Variants in MOB3B observed in about 807,000 individuals in gnomAD.
The protein encoded by MOB3B is MOB kinase activator-like 2B.
MOB3B carries 7 observed loss-of-function variants against 18.7 expected under a neutral mutation model. The observed-to-expected ratio is 0.37, with a 90% CI of 0.21 to 0.70. The LOEUF (loss-of-function observed/expected upper bound fraction) is 0.70, where lower values mean the gene tolerates loss of function less well. Ranked by LOEUF, MOB3B falls within the 30% of genes least tolerant of loss-of-function variation. MOB3B has a pLI of 0.52. For synonymous variants in MOB3B, 111 were observed against 99.9 expected (o/e 1.11, Z -0.66); for missense variants, 253 against 281.3 (o/e 0.90, Z 0.72).
chr9:27,472,300 T>C (rs1014373750), intron 1 of MOB3B, among the ~76,000 whole-genome samples: 12 of 151,416 alleles, frequency 7.9e-5, no homozygotes, highest in African/African-American at 2.9e-4. Flanking sequence ...AAAAAGGCTT[T>C]AAAAGTCTCC....
At chr9:27,340,983 C>T (rs931244074) in intron 3 of MOB3B, among the ~76,000 whole-genome samples, 10 of 152,344 alleles carry the variant, frequency 6.6e-5, no homozygotes, top group Admixed American at 1.3e-4. Context: ...TGCACCCACC[C>T]GCTTTGAGGA....
At chr9:27,417,801 G>C (rs193118909) in intron 2 of MOB3B, among the ~76,000 whole-genome samples, 1 of 152,238 alleles carries the variant, frequency 6.6e-6, no homozygotes, top group Non-Finnish European at 1.5e-5. Context: ...GGTGGCTCAC[G>C]CCTGTAATCC....
At chr9:27,423,391 C>T (rs908995351) in intron 2 of MOB3B, among the ~76,000 whole-genome samples, 2 of 139,448 alleles carry the variant, frequency 1.4e-5, no homozygotes, top group South Asian at 2.3e-4. Context: ...TTTGTAATGG[C>T]AATACTCTTT....
rs546014740 is a variant in MOB3B, at chr9:27,358,107, A to C, written c.621+927T>G. ...ATAAAACCTGTGTTTTAAAATAGGT[A>C]CATAAAGAGAAAGGGATAAAGGGTG... On this transcript the variant is annotated intron_variant, in intron 3 of 3. Transcript: ENST00000262244. 1.1e-4 allele frequency among the ~76,000 whole-genome samples: 16 copies of C among 152,152 alleles called. No homozygotes were observed. In the East Asian group the frequency reaches 3.1e-3, roughly 29 times the overall value.
intron 2 of MOB3B, among the ~76,000 whole-genome samples, chr9:27,454,587 T>C (rs920979651): frequency 4.6e-5 from 7 of 152,166 alleles, no homozygotes; most frequent in Non-Finnish European, 2.9e-5. Flanking sequence ...TCCCAGTGTA[T>C]CCAGAAGATA....
intron 2 of MOB3B, among the ~76,000 whole-genome samples, chr9:27,384,172 T>C (rs1371963737): frequency 7.9e-5 from 12 of 152,094 alleles, no homozygotes; most frequent in African/African-American, 1.2e-4. Flanking sequence ...ATTCCCACTT[T>C]CCAGGGAAGC....
At chr9:27,512,236 A>C (rs12553951) in intron 1 of MOB3B, among the ~76,000 whole-genome samples, 7,411 of 152,260 alleles carry the variant, frequency 0.049, 279 homozygotes, top group Middle Eastern at 0.11. Flanking sequence ...GAATGCTTCT[A>C]TCATGTTTAG....
rs1050286587 is a variant in MOB3B, at chr9:27,326,102, C to T, written c.*4485G>A. 1.7e-5 allele frequency: 3 copies of T among 178,844 alleles called. No homozygotes were observed. Among genetic ancestry groups the T allele is most frequent in the African/African-American group, 2.3e-5 (1 of 42,580 alleles). 11.1% of individuals were successfully genotyped at this position (178,844 alleles called of 1,614,324 possible). A position where few individuals can be genotyped will look rare whatever the true frequency, so the allele number is the denominator to read the frequency against. ...TTGCATGGCGATTAAAATAGAAAAC[C>T]TATAAATGTAGAAAAAGCAGGTCTG... is the stretch of plus-strand genomic sequence containing the variant. On this transcript the variant is annotated 3_prime_UTR_variant, in exon 4 of 4. Transcript: ENST00000262244.
chr9:27,488,907 G>A (rs1819772111), intron 1 of MOB3B, among the ~76,000 whole-genome samples: 1 of 152,192 alleles, frequency 6.6e-6, no homozygotes, highest in African/African-American at 2.4e-5. Flanking sequence ...GACTGGCATA[G>A]GGCTATACCA....
At chr9:27,461,743 G>C (rs926625496) in intron 1 of MOB3B, among the ~76,000 whole-genome samples, 9 of 152,186 alleles carry the variant, frequency 5.9e-5, no homozygotes, top group Admixed American at 2.0e-4. Context: ...TAAGTAAATA[G>C]TGCCAAAATG....
chr9:27,447,339 G>A (rs10967939), intron 2 of MOB3B, among the ~76,000 whole-genome samples: 24,479 of 152,150 alleles, frequency 0.16, 2,859 homozygotes, highest in East Asian at 0.5. Flanking sequence ...TACAGGCTTC[G>A]TTGACTAAGG....
At chr9:27,353,152 T>C (rs575623656) in intron 3 of MOB3B, among the ~76,000 whole-genome samples, 1 of 152,320 alleles carries the variant, frequency 6.6e-6, no homozygotes, top group Admixed American at 6.5e-5. Context: ...GTAATTGTCA[T>C]CTAGGGTCTT....
intron 2 of MOB3B, among the ~76,000 whole-genome samples, chr9:27,372,246 G>T (rs1221348823): frequency 6.6e-6 from 1 of 152,254 alleles, no homozygotes; most frequent in Admixed American, 6.5e-5. Context: ...AAAGAGCTCC[G>T]GAATGGCCCA....
intron 2 of MOB3B, among the ~76,000 whole-genome samples, chr9:27,393,691 C>G (rs1821761054): frequency 6.6e-6 from 1 of 152,120 alleles, no homozygotes; most frequent in Non-Finnish European, 1.5e-5. Context: ...AGTGTACAGA[C>G]TTGGCCACAT....
At chr9:27,457,830 C>T (rs1005687838) in intron 1 of MOB3B, among the ~76,000 whole-genome samples, 3 of 152,068 alleles carry the variant, frequency 2.0e-5, no homozygotes, top group Non-Finnish European at 4.4e-5. Flanking sequence ...TGGAATAGCA[C>T]CTGTAAGGAT....
chr9:27,470,860 T>C (rs1819459855), intron 1 of MOB3B, among the ~76,000 whole-genome samples: 1 of 152,228 alleles, frequency 6.6e-6, no homozygotes. Flanking sequence ...CTTATTGAGT[T>C]CTATACTCTT....
chr9:27,394,643 C>T (rs888995634), intron 2 of MOB3B, among the ~76,000 whole-genome samples: 10 of 152,190 alleles, frequency 6.6e-5, no homozygotes, highest in South Asian at 2.1e-4. Flanking sequence ...AGGAACCTGA[C>T]GGTCACACCT....
intron 1 of MOB3B, among the ~76,000 whole-genome samples, chr9:27,474,778 T>G (rs1368390245): frequency 6.6e-6 from 1 of 152,250 alleles, no homozygotes; most frequent in Non-Finnish European, 1.5e-5. Context: ...AATGAAGATT[T>G]TGAAAAGAAA....
chr9:27,433,461 C>G (rs1822446817), intron 2 of MOB3B, among the ~76,000 whole-genome samples: 1 of 152,098 alleles, frequency 6.6e-6, no homozygotes, highest in African/African-American at 2.4e-5. Context: ...AGGGTGCAAA[C>G]TTAATCATTT....
Sources: gnomAD v4.1 joint callset for allele counts (sites outside exome capture counted in the v4.1 genomes callset) on GRCh38, gnomAD v4.1.1 for gene constraint, MANE v1.5 for transcripts, NCBI Gene and HGNC (gene_info 2026-07-23, HGNC 2026-07-21) for gene names.